Variants in OLFM3 observed in about 807,000 individuals in gnomAD.
The protein encoded by OLFM3 is olfactomedin 3, also known as noelin-3.
A neutral mutation model predicts 48.6 loss-of-function variants in OLFM3; 20 were observed. The ratio of observed to expected loss-of-function variants is 0.41; its 90% confidence interval spans 0.29 to 0.60. OLFM3 has a LOEUF of 0.60. Ranked by LOEUF, OLFM3 falls within the 20% of genes least tolerant of loss-of-function variation. OLFM3 has a pLI of 0.28. For missense variants in OLFM3, 437 were observed against 544.3 expected (o/e 0.80, Z 1.96); for synonymous variants, 222 against 198.1 (o/e 1.12, Z -1.01).
intron 1 of OLFM3, among the ~76,000 whole-genome samples, chr1:101,860,186 G>A (rs548906405): frequency 6.6e-6 from 1 of 152,098 alleles, no homozygotes; most frequent in African/African-American, 2.4e-5. Context: ...GGGGTCCAGA[G>A]TTCTTGTCAT....
intron 1 of OLFM3, among the ~76,000 whole-genome samples, chr1:101,920,449 G>A (rs7511844): frequency 0.36 from 54,486 of 152,038 alleles, 9,960 homozygotes; most frequent in African/African-American, 0.44. Context: ...CTGGCACAGT[G>A]AAGGCACTCA....
intron 1 of OLFM3, among the ~76,000 whole-genome samples, chr1:101,841,692 A>G (rs1029400587): frequency 1.3e-5 from 2 of 152,224 alleles, no homozygotes; most frequent in African/African-American, 4.8e-5. Flanking sequence ...ATGGAGGGAC[A>G]GGCAAAGTAA....
At chr1:101,966,467 C>T (rs988658439) in intron 1 of OLFM3, among the ~76,000 whole-genome samples, 2 of 152,118 alleles carry the variant, frequency 1.3e-5, no homozygotes, top group African/African-American at 4.8e-5. Context: ...GCCACTGTGT[C>T]GGGTCCTTCT....
At chr1:101,948,754 C>A (rs752016139) in intron 1 of OLFM3, among the ~76,000 whole-genome samples, 1 of 151,284 alleles carries the variant, frequency 6.6e-6, no homozygotes, top group African/African-American at 2.4e-5. Flanking sequence ...TTCTCCTCTG[C>A]GTAAATACTG....
intron 1 of OLFM3, among the ~76,000 whole-genome samples, chr1:101,908,499 G>C (rs572364856): frequency 3.9e-5 from 6 of 152,150 alleles, no homozygotes; most frequent in Non-Finnish European, 7.4e-5. Flanking sequence ...TGCGCACATA[G>C]ATGCATTTTG....
intron 1 of OLFM3, among the ~76,000 whole-genome samples, chr1:101,977,934 T>C (rs373929495): frequency 6.6e-6 from 1 of 152,258 alleles, no homozygotes; most frequent in East Asian, 1.9e-4. Context: ...TTCTTTCTCA[T>C]AACATATACT....
At chr1:101,839,739 G>A (rs541192260) in intron 1 of OLFM3, among the ~76,000 whole-genome samples, 1 of 152,350 alleles carries the variant, frequency 6.6e-6, no homozygotes, top group Admixed American at 6.5e-5. Context: ...AACCAGGGAA[G>A]TGGGAAAGGT....
intron 2 of OLFM3, among the ~76,000 whole-genome samples, chr1:101,836,638 T>A (rs1284765810): frequency 4.0e-5 from 6 of 151,194 alleles, no homozygotes; most frequent in African/African-American, 1.5e-4. Context: ...GATTAAGATA[T>A]ATGGTAGAGA....
At chr1:101,906,951 G>T (rs1215998923) in intron 1 of OLFM3, among the ~76,000 whole-genome samples, 2 of 152,022 alleles carry the variant, frequency 1.3e-5, no homozygotes, top group Non-Finnish European at 2.9e-5. Context: ...TCTTTGATTA[G>T]GATAATAAAC....
chr1:101,825,033 T>C lies in OLFM3; in HGVS notation c.585A>G (p.Lys195=). 1 of 1,613,900 alleles carries C rather than the reference T, an allele frequency of 6.2e-7. No individual in the cohort carries two copies. Among genetic ancestry groups the C allele is most frequent in the Non-Finnish European group, 8.5e-7 (1 of 1,179,810 alleles). The change falls in exon 4 of 6, where the codon AAA becomes AAG. Residue 195 remains lysine (K), a synonymous_variant. Transcript: ENST00000370103. ...TTAAATTGTCATACTCACTTAGCTT[T>C]TTCATGCAGTCACGAAGTCTTGTTT... ...SLETRLRDCM[K]KLTCGKLMKI...
chr1:101,984,548 C>T (rs1661183792), intron 1 of OLFM3, among the ~76,000 whole-genome samples: 1 of 152,148 alleles, frequency 6.6e-6, no homozygotes, highest in African/African-American at 2.4e-5. Flanking sequence ...CAGGCGTCTG[C>T]CGCCATGCCC....
At chr1:101,871,972 A>C (rs1179024262) in intron 1 of OLFM3, among the ~76,000 whole-genome samples, 2 of 152,130 alleles carry the variant, frequency 1.3e-5, no homozygotes, top group Admixed American at 6.6e-5. Context: ...TCACAAAGTC[A>C]GCTACTCACT....
intron 4 of OLFM3, among the ~76,000 whole-genome samples, chr1:101,807,555 T>C (rs1305209382): frequency 1.3e-5 from 2 of 151,840 alleles, no homozygotes; most frequent in Non-Finnish European, 2.9e-5. Flanking sequence ...GTTTTCTCTA[T>C]ATGTGCTTCT....
At chr1:101,930,366 A>G (rs1333197135) in intron 1 of OLFM3, among the ~76,000 whole-genome samples, 1 of 152,206 alleles carries the variant, frequency 6.6e-6, no homozygotes. Context: ...TTTGAAAGGA[A>G]ACTAAATCAT....
intron 4 of OLFM3, among the ~76,000 whole-genome samples, chr1:101,818,223 C>T (rs570367792): frequency 6.6e-6 from 1 of 152,156 alleles, no homozygotes; most frequent in South Asian, 2.1e-4. Context: ...ACTAATTTTA[C>T]AATTCCTACT....
intron 4 of OLFM3, among the ~76,000 whole-genome samples, chr1:101,819,118 T>C (rs1374134960): frequency 6.6e-6 from 1 of 152,058 alleles, no homozygotes; most frequent in Non-Finnish European, 1.5e-5. Context: ...GCCAGGGGAC[T>C]CCAACCACAT....
At chr1:101,978,756 CT>C (rs1436928934) in intron 1 of OLFM3, among the ~76,000 whole-genome samples, 1 of 152,114 alleles carries the variant, frequency 6.6e-6, no homozygotes, top group African/African-American at 2.4e-5. Context: ...CATTGCAGTA[CT>C]TTATGCGCTC....
At chr1:101,822,834 T>C (rs1654674232) in intron 4 of OLFM3, among the ~76,000 whole-genome samples, 1 of 152,126 alleles carries the variant, frequency 6.6e-6, no homozygotes, top group African/African-American at 2.4e-5. Context: ...TTACCTATTG[T>C]ATATTAACCA....
chr1:101,864,461 C>T (rs1469851972), intron 1 of OLFM3, among the ~76,000 whole-genome samples: 2 of 152,100 alleles, frequency 1.3e-5, no homozygotes, highest in South Asian at 4.1e-4. Context: ...AGTTAAGACC[C>T]TAAACAGTAT....
Sources: gnomAD v4.1 joint callset for allele counts (sites outside exome capture counted in the v4.1 genomes callset) on GRCh38, gnomAD v4.1.1 for gene constraint, MANE v1.5 for transcripts, NCBI Gene and HGNC (gene_info 2026-07-23, HGNC 2026-07-21) for gene names.